Variants in SAA4 observed in about 807,000 individuals in gnomAD.
SAA4 encodes serum amyloid A-4 protein.
In SAA4, 8 loss-of-function variants were observed where a neutral mutation model predicts 11.2. The observed-to-expected ratio is 0.71, with a 90% CI of 0.42 to 1.29. The LOEUF (loss-of-function observed/expected upper bound fraction) is 1.29, where lower values mean the gene tolerates loss of function less well. SAA4 is among the 50% of genes most tolerant of loss of function. The pLI is 0.01. For synonymous variants in SAA4, 60 were observed against 56.2 expected (o/e 1.07, Z -0.30); for missense variants, 171 against 164.2 (o/e 1.04, Z -0.23).
chr11:18,233,819 T>C (rs1255585838), intron 2 of SAA4, among the ~76,000 whole-genome samples: 3 of 152,100 alleles, frequency 2.0e-5, no homozygotes, highest in African/African-American at 7.2e-5. Context: ...CCAGCTCTCG[T>C]AATTGTTCAT....
At chr11:18,233,284 AC>A (rs1293709548) in intron 2 of SAA4, among the ~76,000 whole-genome samples, 1 of 152,032 alleles carries the variant, frequency 6.6e-6, no homozygotes, top group East Asian at 1.9e-4. Context: ...AATCATACCT[AC>A]CTCCCTGGTG....
chr11:18,235,717 C>G (rs1293800716), intron 2 of SAA4, 119 bp downstream of exon 2: 1 of 958,270 alleles, frequency 1.0e-6, no homozygotes, highest in East Asian at 2.6e-5. Context: ...ATACAGAAAA[C>G]CACACTCCTG....
At chr11:18,234,296 G>A (rs1323042938) in intron 2 of SAA4, among the ~76,000 whole-genome samples, 1 of 152,208 alleles carries the variant, frequency 6.6e-6, no homozygotes. Context: ...AACTGGAAGA[G>A]GGCATGAGAG....
Position 18,231,663 on chromosome 11 carries a change from G to A in SAA4, c.232C>T (p.Arg78Cys), listed in dbSNP as rs779815939. ...AATCCCTGAAGATAGACCCTGGAACGGCTGCAACCCAAAGAAAGGAGACAG... is the reference window on the plus strand; with the variant it reads ...AATCCCTGAAGATAGACCCTGGAACAGCTGCAACCCAAAGAAAGGAGACAG... ...GGVWAAKLIS[R>C]SRVYLQGLID... Residue 78 changes from arginine to cysteine, a missense_variant and splice_region_variant, in exon 4 of 4, where the codon CGT (arginine) becomes TGT (cysteine). Physicochemically the swap from Arg to Cys is radical, Grantham distance 180 (BLOSUM62 -3). Transcript: ENST00000278222. The A allele has an allele frequency of 8.7e-6, 14 of 1,609,620 alleles. No homozygotes were observed. Among genetic ancestry groups the A allele is most frequent in the South Asian group, 1.1e-5 (1 of 90,494 alleles).
Position 18,232,539 on chromosome 11 carries a change from A to G in SAA4, c.92-6T>C. 1 of 1,608,916 alleles carries G rather than the reference A, an allele frequency of 6.2e-7. No individual in the cohort carries two copies. The highest frequency in any genetic ancestry group is 8.5e-7 in the Non-Finnish European group (1 of 1,177,562). On this transcript the variant is annotated splice_region_variant and splice_polypyrimidine_tract_variant and intron_variant, in intron 2 of 3. Coordinates refer to ENST00000278222, the MANE Select transcript of SAA4 (RefSeq NM_006512.4). The stretch of plus-strand genomic sequence containing the variant: ...TCTGCCCATGTCCCCAACCCCTGGA[A>G]AGAAAAAAAATGACAAAAATGAACC...
chr11:18,234,606 T>C (rs1857184487), intron 2 of SAA4, among the ~76,000 whole-genome samples: 1 of 152,240 alleles, frequency 6.6e-6, no homozygotes, highest in South Asian at 2.1e-4. Flanking sequence ...AGAAAAGCTG[T>C]GATAAATAGT....
intron 2 of SAA4, among the ~76,000 whole-genome samples, chr11:18,235,173 CA>C (rs1857191247): frequency 6.6e-6 from 1 of 152,100 alleles, no homozygotes; most frequent in Admixed American, 6.5e-5. Context: ...TGAAAAATTA[CA>C]AAAAATTCAA....
Position 18,232,086 on chromosome 11 carries a change from T to C in SAA4, c.230+309A>G, listed in dbSNP as rs200789313. Among the ~76,000 whole-genome samples the C allele has an allele frequency of 4.6e-5, 7 of 152,174 alleles. No individual in the cohort carries two copies. In the East Asian group the frequency reaches 1.4e-3, roughly 29 times the overall value. Reference sequence around the variant, plus strand: ...CTGTAGAGATAAGAGTCTTGCTATGTTGCCTAGGCTGCTCTTAAATCCCTG... The same window carrying C: ...CTGTAGAGATAAGAGTCTTGCTATGCTGCCTAGGCTGCTCTTAAATCCCTG... On this transcript the variant is annotated intron_variant, in intron 3 of 3. Coordinates refer to ENST00000278222, the MANE Select transcript of SAA4 (RefSeq NM_006512.4).
chr11:18,231,717 C>A, intron 3 of SAA4, 53 bp from the exon 4 acceptor site: 1 of 1,555,946 alleles, frequency 6.4e-7, no homozygotes, highest in Non-Finnish European at 8.7e-7. Context: ...CACCTGCTCA[C>A]CTGAGACAGC....
rs569147699 is a variant in SAA4 at position 18,235,751 on chromosome 11, T to C, written c.91+85A>G. On this transcript the variant is annotated intron_variant, in intron 2 of 3. Coordinates refer to ENST00000278222, the MANE Select transcript of SAA4 (RefSeq NM_006512.4). Reference sequence around the variant, plus strand: ...TGCTCTGACCTCTGTGTGGCTTCTCTAAGGAGCACTCACATCCAGTGAGTA... The same window carrying C: ...TGCTCTGACCTCTGTGTGGCTTCTCCAAGGAGCACTCACATCCAGTGAGTA... The C allele has an allele frequency of 1.2e-5, 17 of 1,367,738 alleles. No homozygotes were observed. In the East Asian group the frequency reaches 3.9e-4, roughly 32 times the overall value. 84.7% of individuals were successfully genotyped at this position (1,367,738 alleles called of 1,614,324 possible). A position where few individuals can be genotyped will look rare whatever the true frequency, so the allele number is the denominator to read the frequency against.
At chr11:18,232,292 C>G in intron 3 of SAA4, 103 bp downstream of exon 3, 2 of 1,521,820 alleles carry the variant, frequency 1.3e-6, no homozygotes, top group Non-Finnish European at 1.8e-6. Context: ...CACCCAGACC[C>G]CAGGAGTATG....
chr11:18,231,845 G>A (rs1857139381), intron 3 of SAA4, among the ~76,000 whole-genome samples, 181 bp from the exon 4 acceptor site: 1 of 43,038 alleles, frequency 2.3e-5, no homozygotes, highest in Admixed American at 2.4e-4. Flanking sequence ...TAAGTCTACT[G>A]ATACTTGCGC....
chr11:18,232,801 G>C (rs1215023182), intron 2 of SAA4, among the ~76,000 whole-genome samples: 1 of 152,108 alleles, frequency 6.6e-6, no homozygotes, highest in African/African-American at 2.4e-5. Context: ...TGTGTACAAA[G>C]AGGGGACGCT....
intron 2 of SAA4, 47 bp from the exon 3 acceptor site, chr11:18,232,580 G>C: frequency 6.4e-7 from 1 of 1,569,558 alleles, no homozygotes; most frequent in Non-Finnish European, 8.6e-7. Context: ...ACATACTGGA[G>C]AAATGTAGAA....
chr11:18,233,138 C>T (rs142057285), intron 2 of SAA4, among the ~76,000 whole-genome samples: 88 of 152,210 alleles, frequency 5.8e-4, no homozygotes, highest in African/African-American at 2.0e-3. Context: ...ATGGGCAGTA[C>T]GTGATGAGGT....
In SAA4 at chr11:18,231,444, G is replaced by T. The variant is rs573398285; in HGVS notation, c.*58C>A. ...GCTCAGTGACCCTGTGTCCCTGTCTGGGGGGAGAAGTGTGTGGCTCACAGC... is the reference window on the plus strand; with the variant it reads ...GCTCAGTGACCCTGTGTCCCTGTCTTGGGGGAGAAGTGTGTGGCTCACAGC... On this transcript the variant is annotated 3_prime_UTR_variant, in exon 4 of 4. Coordinates refer to ENST00000278222, the MANE Select transcript of SAA4 (RefSeq NM_006512.4). The T allele has an allele frequency of 2.1e-5, 33 of 1,580,068 alleles. No homozygotes were observed. The East Asian group carries it at 3.4e-4, about 16-fold the overall frequency.
rs1209218876 is a variant in SAA4 at position 18,231,611 on chromosome 11, C to G, written c.284G>C (p.Ser95Thr). 1 of 1,614,064 alleles carries G rather than the reference C, an allele frequency of 6.2e-7. No homozygotes were observed. Among genetic ancestry groups the G allele is most frequent in the East Asian group, 2.2e-5 (1 of 44,890 alleles). The stretch of plus-strand genomic sequence containing the variant: ...CTTCGAGTCCTCCAATACAGTGCTG[C>G]TGTTTCCAAATAAATAGCAGTCTAT... ...GLIDCYLFGN[S>T]STVLEDSKSN... The change falls in exon 4 of 4, where the codon AGC becomes ACC. Residue 95 changes from serine (S) to threonine (T), a missense_variant. Physicochemically the swap from Ser to Thr is moderately conservative, Grantham distance 58 (BLOSUM62 1). Coordinates refer to ENST00000278222, the MANE Select transcript of SAA4 (RefSeq NM_006512.4).
chr11:18,233,062 G>A (rs557783944), intron 2 of SAA4, among the ~76,000 whole-genome samples: 2 of 152,360 alleles, frequency 1.3e-5, no homozygotes, highest in African/African-American at 4.8e-5. Context: ...CCAGCTGAGT[G>A]AGGACAACTA....
rs1047283587 is a variant in SAA4, at chr11:18,231,451, G to C, written c.*51C>G. ...GACCCTGTGTCCCTGTCTGGGGGGAGAAGTGTGTGGCTCACAGCCCAGTTT... is the reference window on the plus strand; with the variant it reads ...GACCCTGTGTCCCTGTCTGGGGGGACAAGTGTGTGGCTCACAGCCCAGTTT... On this transcript the variant is annotated 3_prime_UTR_variant, in exon 4 of 4. Coordinates refer to ENST00000278222, the MANE Select transcript of SAA4 (RefSeq NM_006512.4). 1 of 1,587,682 alleles carries C rather than the reference G, an allele frequency of 6.3e-7. No homozygotes were observed. The highest frequency in any genetic ancestry group is 8.6e-7 in the Non-Finnish European group (1 of 1,168,940).
Sources: allele counts gnomAD v4.1 joint callset (sites outside exome capture counted in the v4.1 genomes callset), GRCh38; gene constraint gnomAD v4.1.1; transcripts MANE v1.5; gene names NCBI Gene and HGNC (gene_info 2026-07-23, HGNC 2026-07-21).